SHISA9: variants seen among roughly 807,000 people sequenced by gnomAD.
SHISA9 encodes protein shisa-9.
In SHISA9, 13 loss-of-function variants were observed where a neutral mutation model predicts 38.0. The observed-to-expected ratio is 0.34, with a 90% CI of 0.22 to 0.54. SHISA9 has a LOEUF of 0.54. SHISA9 is among the 20% of genes least tolerant of loss of function. The probability of loss-of-function intolerance (pLI) is 0.91; values close to 1 mark genes in which losing one functional copy is unlikely to be tolerated. For synonymous variants in SHISA9, 275 were observed against 242.0 expected, an observed-to-expected ratio of 1.14 and a Z score of -1.27; for missense variants, 538 against 575.8, an observed-to-expected ratio of 0.93 and a Z score of 0.67.
In SHISA9 at chr16:13,238,812, GTATT is replaced by G. The variant is rs1311241312; in HGVS notation, c.*3408_*3411del. 5 of 107,544 alleles carry G rather than the reference GTATT, an allele frequency of 4.6e-5. No homozygotes were observed. The highest frequency in any genetic ancestry group is 4.7e-3 in the Middle Eastern group (1 of 214). 6.7% of individuals were successfully genotyped at this position (107,544 alleles called of 1,614,324 possible). ...CTTTTTTTTTTAATGTATCCATGGA[GTATT>G]TATTATTATTATTATTATTATTATT... On this transcript the variant is annotated 3_prime_UTR_variant, in exon 5 of 5. Coordinates refer to ENST00000558583, the MANE Select transcript of SHISA9 (RefSeq NM_001145204.3).
chr16:13,436,625 C>T, the SHISA9 span, among the ~76,000 whole-genome samples: 8 of 152,316 alleles, frequency 5.3e-5, no homozygotes, highest in East Asian at 5.8e-4. Context: ...TTACTTTACT[C>T]TGTGGACTCA....
At chr16:13,183,293 A>G (rs1238200060) in intron 2 of SHISA9, among the ~76,000 whole-genome samples, 6 of 151,618 alleles carry the variant, frequency 4.0e-5, no homozygotes, top group African/African-American at 1.2e-4. Flanking sequence ...TTCAGAAAAT[A>G]CAATCTGCCA....
At chr16:13,019,727 C>T (rs35061530) in intron 2 of SHISA9, among the ~76,000 whole-genome samples, 30,432 of 149,228 alleles carry the variant, frequency 0.2, 3,424 homozygotes, top group East Asian at 0.41. Flanking sequence ...AGCCTAGTAC[C>T]CATTAGTTGT....
the SHISA9 span, among the ~76,000 whole-genome samples, chr16:13,280,386 G>T: frequency 6.6e-6 from 1 of 151,534 alleles, no homozygotes; most frequent in African/African-American, 2.4e-5. Flanking sequence ...TGGACAATTA[G>T]TCTATTGATT....
chr16:12,932,344 G>C (rs1160633554), intron 2 of SHISA9, among the ~76,000 whole-genome samples: 1 of 151,988 alleles, frequency 6.6e-6, no homozygotes, highest in African/African-American at 2.4e-5. Flanking sequence ...GGATTATCTA[G>C]ATTTTTTTCT....
At chr16:12,980,186 T>G (rs546609999) in intron 2 of SHISA9, among the ~76,000 whole-genome samples, 21 of 152,352 alleles carry the variant, frequency 1.4e-4, no homozygotes, top group African/African-American at 2.4e-5. Context: ...TACCAAGGCA[T>G]TTGATTATAT....
chr16:13,402,455 TG>T, the SHISA9 span, among the ~76,000 whole-genome samples: 1 of 152,024 alleles, frequency 6.6e-6, no homozygotes, highest in African/African-American at 2.4e-5. Context: ...TCCGCTTTTT[TG>T]TTCTACTTGG....
At chr16:13,190,410 T>C (rs1229122082) in intron 2 of SHISA9, among the ~76,000 whole-genome samples, 1 of 152,212 alleles carries the variant, frequency 6.6e-6, no homozygotes, top group Non-Finnish European at 1.5e-5. Flanking sequence ...GTTTCAGAAC[T>C]GATAACAATA....
chr16:13,289,183 C>G, the SHISA9 span, among the ~76,000 whole-genome samples: 1 of 152,198 alleles, frequency 6.6e-6, no homozygotes, highest in African/African-American at 2.4e-5. Flanking sequence ...AGCCCACCCT[C>G]CTCTCCTCTT....
the SHISA9 span, among the ~76,000 whole-genome samples, chr16:13,433,087 AT>A: frequency 6.8e-6 from 1 of 146,086 alleles, no homozygotes; most frequent in Non-Finnish European, 1.5e-5. Context: ...AAAAAATGCT[AT>A]ATTAAAGCTT....
intron 2 of SHISA9, among the ~76,000 whole-genome samples, chr16:13,025,810 A>AT (rs936343265): frequency 8.6e-5 from 13 of 151,590 alleles, no homozygotes; most frequent in East Asian, 3.9e-4. Context: ...TCTTAACAAC[A>AT]TTTTTTTTGG....
the SHISA9 span, among the ~76,000 whole-genome samples, chr16:13,246,855 A>C: frequency 3.6e-4 from 55 of 152,262 alleles, no homozygotes; most frequent in African/African-American, 1.2e-3. Context: ...CTATTTAAAA[A>C]AAAACAATAA....
At chr16:13,293,802 G>T in the SHISA9 span, among the ~76,000 whole-genome samples, 2 of 152,118 alleles carry the variant, frequency 1.3e-5, no homozygotes, top group Admixed American at 1.3e-4. Flanking sequence ...AACACTCAAA[G>T]CAAAACAAAA....
intron 2 of SHISA9, among the ~76,000 whole-genome samples, chr16:12,938,803 A>C (rs1032368600): frequency 6.6e-6 from 1 of 151,830 alleles, no homozygotes; most frequent in Admixed American, 6.6e-5. Flanking sequence ...CTGCCTTTTG[A>C]CTTTCCATGC....
intron 2 of SHISA9, among the ~76,000 whole-genome samples, chr16:13,200,442 AG>A (rs368760099): frequency 0.043 from 5,629 of 131,838 alleles, 144 homozygotes; most frequent in African/African-American, 0.082. Flanking sequence ...ACACACACAC[AG>A]CAGCAGCAGC....
the SHISA9 span, among the ~76,000 whole-genome samples, chr16:13,320,347 G>A: frequency 1.4e-5 from 2 of 147,408 alleles, no homozygotes. Flanking sequence ...TAGGCTCAGA[G>A]GTCAAGCAAC....
intron 2 of SHISA9, among the ~76,000 whole-genome samples, chr16:13,144,178 G>A (rs150061): frequency 0.49 from 72,267 of 148,638 alleles, 19,432 homozygotes; most frequent in Non-Finnish European, 0.59. Context: ...TTTTTTAATG[G>A]AGTCTCGCTC....
chr16:13,148,689 G>A (rs921584493), intron 2 of SHISA9, among the ~76,000 whole-genome samples: 2 of 132,442 alleles, frequency 1.5e-5, no homozygotes, highest in African/African-American at 3.2e-5. Context: ...ACATACACAA[G>A]CACACACACA....
At chr16:13,535,434 A>G in the SHISA9 span, among the ~76,000 whole-genome samples, 2 of 152,272 alleles carry the variant, frequency 1.3e-5, no homozygotes, top group South Asian at 2.1e-4. Context: ...TCCCTTCATT[A>G]TAACTCTTAT....
Sources: allele counts gnomAD v4.1 joint callset (sites outside exome capture counted in the v4.1 genomes callset), GRCh38; gene constraint gnomAD v4.1.1; transcripts MANE v1.5; gene names NCBI Gene and HGNC (gene_info 2026-07-23, HGNC 2026-07-21).